RAP1A: variants seen among roughly 807,000 people sequenced by gnomAD.
RAP1A encodes the protein ras-related protein Rap-1A.
Under a neutral mutation model 26.4 loss-of-function variants are expected in RAP1A, and 6 were observed. The ratio of observed to expected loss-of-function variants is 0.23; its 90% CI spans 0.12 to 0.45. RAP1A has a LOEUF of 0.45. Among genes scored for constraint, RAP1A ranks in the 20% least tolerant of loss-of-function variants. The pLI is 0.99. For synonymous variants in RAP1A, 73 were observed against 79.4 expected, an observed-to-expected ratio of 0.92 and a Z score of 0.43; for missense variants, 121 against 217.2, an observed-to-expected ratio of 0.56 and a Z score of 2.78.
chr1:111,592,229 C>T (rs140563314), intron 1 of RAP1A, among the ~76,000 whole-genome samples: 49 of 152,304 alleles, frequency 3.2e-4, no homozygotes, highest in African/African-American at 1.1e-3. Flanking sequence ...AGAAGCATCA[C>T]GTGCTGCACA....
chr1:111,677,633 C>T (rs915354954), intron 1 of RAP1A, among the ~76,000 whole-genome samples: 37 of 152,196 alleles, frequency 2.4e-4, no homozygotes, highest in Non-Finnish European at 8.8e-5. Context: ...GAGTCCTCAG[C>T]TCCTCTTCAG....
At chr1:111,618,595 G>T (rs1237370747), upstream of RAP1A, among the ~76,000 whole-genome samples, 1 of 152,114 alleles carries the variant, frequency 6.6e-6, no homozygotes, top group African/African-American at 2.4e-5. Flanking sequence ...TATATCGATT[G>T]TTTATTCAAT....
At position 111,688,482 on chromosome 1, in the gene RAP1A, G is replaced by T. The variant is rs140127410; in HGVS notation, c.-27-2852G>T. ...CGACAGGCTCACACCACCACGCCCA[G>T]CTAATTTTTTGTACTTTAGTAGAGA... is the stretch of plus-strand genomic sequence containing the variant. On this transcript the variant is annotated intron_variant, in intron 1 of 7. Transcript: ENST00000369709. Among the ~76,000 whole-genome samples the T allele has an allele frequency of 3.2e-3, 492 of 151,896 alleles. 3 individuals carry two copies. Among genetic ancestry groups the T allele is most frequent in the African/African-American group, 0.011 (438 of 41,436 alleles).
At chr1:111,562,951 T>C (rs532710808) in intron 1 of RAP1A, among the ~76,000 whole-genome samples, 27 of 152,370 alleles carry the variant, frequency 1.8e-4, no homozygotes, top group Non-Finnish European at 3.5e-4. Context: ...TACCAGGTAC[T>C]GGGTTAAGAA....
intron 1 of RAP1A, chr1:111,648,206 T>TA (rs773470455): frequency 0.081 from 11,416 of 141,136 alleles, 278 homozygotes; most frequent in African/African-American, 0.19. Flanking sequence ...TGTGTGTGTA[T>TA]TTTTTTTTTT....
intron 1 of RAP1A, among the ~76,000 whole-genome samples, chr1:111,552,504 T>A (rs376398805): frequency 6.6e-6 from 1 of 152,166 alleles, no homozygotes; most frequent in Non-Finnish European, 1.5e-5. Context: ...TATGTTGGAG[T>A]TCATTTTCAG....
chr1:111,680,475 G>A (rs1386851445), intron 1 of RAP1A, among the ~76,000 whole-genome samples: 1 of 152,152 alleles, frequency 6.6e-6, no homozygotes, highest in African/African-American at 2.4e-5. Context: ...TAATCCTTTA[G>A]CTAGACATAG....
At chr1:111,665,665 A>G (rs925852842) in intron 1 of RAP1A, among the ~76,000 whole-genome samples, 2 of 152,118 alleles carry the variant, frequency 1.3e-5, no homozygotes, top group East Asian at 1.9e-4. Context: ...TGTGCTTTTG[A>G]TGATTTGCTA....
At chr1:111,543,848 T>G (rs908498375) in intron 1 of RAP1A, among the ~76,000 whole-genome samples, 2 of 152,126 alleles carry the variant, frequency 1.3e-5, no homozygotes, top group African/African-American at 2.4e-5. Flanking sequence ...TTGAAGTTGG[T>G]AAGGGTTTAT....
intron 1 of RAP1A, among the ~76,000 whole-genome samples, chr1:111,609,678 A>G (rs561664341): frequency 1.3e-5 from 2 of 152,146 alleles, no homozygotes; most frequent in African/African-American, 4.8e-5. Context: ...CTCTGTTGCC[A>G]AGGCTGGAGT....
intron 6 of RAP1A, among the ~76,000 whole-genome samples, chr1:111,707,833 G>GA (rs1662243453): frequency 6.6e-6 from 1 of 152,024 alleles, no homozygotes; most frequent in African/African-American, 2.4e-5. Context: ...TTTTGTCTTT[G>GA]ATACTTTGCA....
At chr1:111,621,983 G>A (rs1190556617) in intron 1 of RAP1A, among the ~76,000 whole-genome samples, 1 of 152,016 alleles carries the variant, frequency 6.6e-6, no homozygotes, top group African/African-American at 2.4e-5. Flanking sequence ...TGAATCCCAA[G>A]GAAATATTCC....
chr1:111,613,494 C>T (rs960783139), intron 1 of RAP1A, among the ~76,000 whole-genome samples: 5 of 152,156 alleles, frequency 3.3e-5, no homozygotes, highest in African/African-American at 7.2e-5. Context: ...CCACCACGCC[C>T]GGCCAGCTCT....
At chr1:111,559,972 A>C (rs537138283) in intron 1 of RAP1A, among the ~76,000 whole-genome samples, 3 of 152,338 alleles carry the variant, frequency 2.0e-5, no homozygotes, top group Admixed American at 6.5e-5. Flanking sequence ...CCTGTCCCAC[A>C]CTTCAAGATC....
intron 4 of RAP1A, 112 bp downstream of exon 4, chr1:111,697,609 GA>G: frequency 6.6e-7 from 1 of 1,525,434 alleles, no homozygotes; most frequent in Non-Finnish European, 8.8e-7. Flanking sequence ...TTCTGATTAA[GA>G]AGAAATTCTC....
Position 111,630,834 on chromosome 1 carries a change from A to G in RAP1A, c.-28+10900A>G, listed in dbSNP as rs549679588. Among the ~76,000 whole-genome samples the G allele has an allele frequency of 5.9e-5, 9 of 152,298 alleles. No homozygotes were observed. The South Asian group carries it at 1.9e-3, about 32-fold the overall frequency. ...AGATGAGGTTGATAGGGAACAGCTC[A>G]CTGGATATCATTATTTCTCTTTATG... On this transcript the variant is annotated intron_variant, in intron 1 of 7. Transcript: ENST00000369709.
At chr1:111,683,923 G>A (rs1661384550) in intron 1 of RAP1A, among the ~76,000 whole-genome samples, 8 of 152,152 alleles carry the variant, frequency 5.3e-5, no homozygotes, top group Admixed American at 5.2e-4. Context: ...TAAAATACTG[G>A]CAAACTGAAT....
At chr1:111,651,994 G>A (rs912130884) in intron 1 of RAP1A, among the ~76,000 whole-genome samples, 2 of 150,894 alleles carry the variant, frequency 1.3e-5, no homozygotes, top group Non-Finnish European at 2.9e-5. Context: ...ATTTTTTTGA[G>A]ACGGAGTCTC....
rs752570113 is a variant in RAP1A, at chr1:111,697,473, C to G, written c.159C>G (p.Leu53=). The change falls in exon 4 of 8, where the codon CTC becomes CTG. Residue 53 remains leucine (L), a synonymous_variant. Coordinates refer to ENST00000369709, the MANE Select transcript of RAP1A (RefSeq NM_002884.4). Reference sequence around the variant, plus strand: ...AAGTCGATTGCCAACAGTGTATGCTCGAAATCCTGGATACTGCAGGGACAG... The same window carrying G: ...AAGTCGATTGCCAACAGTGTATGCTGGAAATCCTGGATACTGCAGGGACAG... ...QVEVDCQQCM[L]EILDTAGTEQ... is the part of the protein sequence containing the mutation. The G allele has an allele frequency of 6.2e-7, 1 of 1,611,586 alleles. No individual in the cohort carries two copies. Among genetic ancestry groups the G allele is most frequent in the South Asian group, 1.1e-5 (1 of 90,946 alleles).
Sources: gnomAD v4.1 joint callset for allele counts (sites outside exome capture counted in the v4.1 genomes callset) on GRCh38, gnomAD v4.1.1 for gene constraint, MANE v1.5 for transcripts, NCBI Gene and HGNC (gene_info 2026-07-23, HGNC 2026-07-21) for gene names.